Variants in STRA6 observed in about 807,000 individuals in gnomAD.
The protein encoded by STRA6 is signaling receptor and transporter of retinol STRA6.
In STRA6, 48 loss-of-function variants were observed where a neutral mutation model predicts 83.6. That is an observed-to-expected ratio of 0.57 (90% CI 0.46 to 0.73). STRA6 has a LOEUF of 0.73. STRA6 is among the 30% of genes least tolerant of loss of function. STRA6 has a pLI of 0.00. For synonymous variants in STRA6, 353 were observed against 362.3 expected (o/e 0.97, Z 0.29); for missense variants, 760 against 838.8 (o/e 0.91, Z 1.16).
chr15:74,200,223 A>AAAAT (rs1435264087), intron 2 of STRA6, among the ~76,000 whole-genome samples: 1 of 152,208 alleles, frequency 6.6e-6, no homozygotes, highest in Admixed American at 6.5e-5. Context: ...TCCATCTCAA[A>AAAAT]AAATAAATAA....
intron 4 of STRA6, among the ~76,000 whole-genome samples, chr15:74,196,801 A>G (rs543920566): frequency 1.3e-5 from 2 of 152,290 alleles, no homozygotes; most frequent in South Asian, 2.1e-4. Context: ...GGAGCCACCC[A>G]TCACCTGCCC....
chr15:74,202,903 C>G (rs1046189983), upstream of STRA6: 7 of 992,624 alleles, frequency 7.1e-6, no homozygotes, highest in South Asian at 2.8e-4. Context: ...ACAAAGCCCC[C>G]CTCCTGGGGG....
chr15:74,183,561 A>T, intron 14 of STRA6: 1 of 1,252,270 alleles, frequency 8.0e-7, no homozygotes, highest in Non-Finnish European at 1.0e-6. Flanking sequence ...TACCATTTTG[A>T]ATTTGACACC....
In STRA6 at chr15:74,188,183, C is replaced by G. The variant is rs904451780; in HGVS notation, c.1090+932G>C. On this transcript the variant is annotated intron_variant, in intron 12 of 18. Transcript: ENST00000395105. This position sits in a 1 kb window ranked among gnomAD's most constrained non-coding sequence, Gnocchi z 4.5. ...ACTCCGTGCACCTCTGCCCACCCCC[C>G]ACTCCCTGCCCCGCCATGACCAGCA... 2.0e-5 allele frequency among the ~76,000 whole-genome samples: 3 copies of G among 152,132 alleles called. No individual in the cohort carries two copies. The highest frequency in any genetic ancestry group is 6.5e-5 in the Admixed American group (1 of 15,284).
At chr15:74,202,405 G>T (rs1195929721) in intron 1 of STRA6, 123 bp from the exon 2 acceptor site, 36 of 1,540,846 alleles carry the variant, frequency 2.3e-5, no homozygotes, top group Non-Finnish European at 3.0e-5. Context: ...AATCCTGAAG[G>T]TTACTTTCTT....
chr15:74,186,237 C>T (rs1003748706), intron 12 of STRA6, among the ~76,000 whole-genome samples: 1 of 152,198 alleles, frequency 6.6e-6, no homozygotes, highest in Non-Finnish European at 1.5e-5. Flanking sequence ...AAAGGCAGAG[C>T]CTTCATGATT....
intron 1 of STRA6, among the ~76,000 whole-genome samples, chr15:74,208,555 G>C (rs561612360): frequency 6.6e-6 from 1 of 152,262 alleles, no homozygotes; most frequent in South Asian, 2.1e-4. Flanking sequence ...ATCCAACTCA[G>C]ACAGGACTCT....
chr15:74,189,521 C>A (rs1374770783), intron 11 of STRA6, among the ~76,000 whole-genome samples: 3 of 152,186 alleles, frequency 2.0e-5, no homozygotes, highest in Admixed American at 6.5e-5. Context: ...ATATAGTCAG[C>A]CCTGCGTATC....
At position 74,191,423 on chromosome 15, in the gene STRA6, C is replaced by T. The variant is rs2142033785; in HGVS notation, c.788+1G>A. 6 of 1,614,154 alleles carry T rather than the reference C, an allele frequency of 3.7e-6. No individual in the cohort carries two copies. Among genetic ancestry groups the T allele is most frequent in the Non-Finnish European group, 4.2e-6 (5 of 1,179,998 alleles). ...CACAAAGGGTGTGTCAGAGACCCCA[C>T]CTGCTTCCCAGCTTCTTCCTGCAAA... On this transcript the variant is annotated splice_donor_variant, in intron 9 of 18. Transcript: ENST00000395105. LOFTEE classifies it high-confidence loss of function.
At chr15:74,201,215 C>T (rs2074042408) in intron 2 of STRA6, among the ~76,000 whole-genome samples, 1 of 152,212 alleles carries the variant, frequency 6.6e-6, no homozygotes, top group Non-Finnish European at 1.5e-5. Context: ...CAGGCCGCAG[C>T]CCCAGCCCCT....
At chr15:74,197,880 T>C in intron 2 of STRA6, 62 bp from the exon 3 acceptor site, 2 of 1,566,048 alleles carry the variant, frequency 1.3e-6, no homozygotes. Flanking sequence ...TGCAGATGGG[T>C]CTGGGGTTCA....
intron 3 of STRA6, 98 bp downstream of exon 3, chr15:74,197,654 T>C (rs968291147): frequency 2.7e-6 from 4 of 1,499,074 alleles, no homozygotes; most frequent in Non-Finnish European, 3.6e-6. Flanking sequence ...CCCAGGATCT[T>C]CCAGGGCCCC....
chr15:74,191,538 C>T (rs1226762025), intron 8 of STRA6, 47 bp from the exon 9 acceptor site: 5 of 1,541,384 alleles, frequency 3.2e-6, no homozygotes, highest in African/African-American at 2.7e-5. Flanking sequence ...TGCCTCGACC[C>T]ATTCGTGGGT....
rs562736644 is a variant in STRA6, at chr15:74,191,658, G to A, written c.721-167C>T. ...GGGCTGACCTGTGGGGATGAGGTCC[G>A]TGCCCTCCAAAGCTTCCCTTTTCTC... On this transcript the variant is annotated intron_variant, in intron 8 of 18. Coordinates refer to ENST00000395105, the MANE Select transcript of STRA6 (RefSeq NM_022369.4). The A allele has an allele frequency of 3.7e-4, 249 of 678,142 alleles. 2 individuals are homozygous for A. The highest frequency in any genetic ancestry group is 2.8e-3 in the South Asian group (178 of 63,698). 42.0% of individuals were successfully genotyped at this position (678,142 alleles called of 1,614,324 possible).
chr15:74,182,161 C>A lies in STRA6; in HGVS notation c.1520G>T (p.Arg507Leu). ...THDGHPQLTN[R>L]RVLYAATFLL... ...GCCACAAGCCCAGATGCCACCTCACCGGTTGGTCAGCTGTGGGTGTCCATC... is the reference window on the plus strand; with the variant it reads ...GCCACAAGCCCAGATGCCACCTCACAGGTTGGTCAGCTGTGGGTGTCCATC... The change falls in exon 16 of 19, where the codon CGG becomes CTG. Residue 507 changes from arginine (R) to leucine (L), a missense_variant and splice_region_variant. Arg to Leu is a moderately radical substitution (Grantham distance 102, BLOSUM62 -2). Transcript: ENST00000395105. 6.2e-7 allele frequency: 1 copy of A among 1,613,846 alleles called. No individual in the cohort carries two copies. The highest frequency in any genetic ancestry group is 8.5e-7 in the Non-Finnish European group (1 of 1,179,756).
intron 2 of STRA6, 103 bp from the exon 3 acceptor site, chr15:74,197,921 C>A: frequency 8.3e-7 from 1 of 1,200,432 alleles, no homozygotes; most frequent in South Asian, 1.3e-5. Context: ...TTACCCACTA[C>A]CTCCCTCAAC....
intron 10 of STRA6, 66 bp downstream of exon 10, chr15:74,191,101 C>G: frequency 6.3e-7 from 1 of 1,594,258 alleles, no homozygotes; most frequent in South Asian, 1.1e-5. Flanking sequence ...TCCTCCACTG[C>G]AGCCATTCTG....
chr15:74,187,076 C>T (rs1026582037), intron 12 of STRA6, among the ~76,000 whole-genome samples: 1 of 152,254 alleles, frequency 6.6e-6, no homozygotes, highest in African/African-American at 2.4e-5. Context: ...AGCTGGGCTG[C>T]AGCGAGGGCA....
At chr15:74,182,545 T>G in intron 14 of STRA6, 85 bp from the exon 15 acceptor site, 1 of 1,170,830 alleles carries the variant, frequency 8.5e-7, no homozygotes, top group Non-Finnish European at 1.2e-6. Context: ...CCAAGGGCTT[T>G]GGGATTGGGC....
Sources: allele counts gnomAD v4.1 joint callset (sites outside exome capture counted in the v4.1 genomes callset), GRCh38; gene constraint gnomAD v4.1.1; non-coding constraint Gnocchi (gnomAD v3.1); transcripts MANE v1.5; gene names NCBI Gene and HGNC (gene_info 2026-07-23, HGNC 2026-07-21).